Variants in CD86 observed in about 807,000 individuals in gnomAD.
CD86 encodes T-lymphocyte activation antigen CD86.
CD86 carries 11 observed loss-of-function variants against 32.1 expected under a neutral mutation model. That is an observed-to-expected ratio of 0.34 (90% confidence interval 0.22 to 0.57). CD86 has a LOEUF of 0.57. Among genes scored for constraint, CD86 ranks in the 20% least tolerant of loss-of-function variants. The pLI, the probability that CD86 is intolerant of heterozygous loss-of-function variation, is 0.86. For synonymous variants in CD86, 137 were observed against 135.3 expected (o/e 1.01, Z -0.09); for missense variants, 359 against 398.4 (o/e 0.90, Z 0.84).
intron 1 of CD86, among the ~76,000 whole-genome samples, chr3:122,080,461 T>C (rs2072617299): frequency 6.6e-6 from 1 of 152,184 alleles, no homozygotes; most frequent in Non-Finnish European, 1.5e-5. Context: ...ATGCTCCTTC[T>C]TCTAGGCCAG....
intron 5 of CD86, among the ~76,000 whole-genome samples, chr3:122,117,820 G>A (rs1252506610): frequency 2.0e-5 from 3 of 152,182 alleles, no homozygotes; most frequent in Admixed American, 6.5e-5. Flanking sequence ...TCTATTTCCA[G>A]TGTTAGAATT....
At chr3:122,092,210 T>C (rs2072835698) in intron 2 of CD86, 1 of 152,478 alleles carries the variant, frequency 6.6e-6, no homozygotes, top group Admixed American at 6.5e-5. Flanking sequence ...CAGCTAATTG[T>C]GTCAGCTGAT....
chr3:122,107,071 C>T (rs2073104222), intron 4 of CD86, among the ~76,000 whole-genome samples: 1 of 152,038 alleles, frequency 6.6e-6, no homozygotes, highest in South Asian at 2.1e-4. Context: ...AAATTTTATT[C>T]CATGGAAATA....
At chr3:122,093,027 G>C (rs1473774590) in intron 2 of CD86, among the ~76,000 whole-genome samples, 1 of 152,150 alleles carries the variant, frequency 6.6e-6, no homozygotes, top group African/African-American at 2.4e-5. Flanking sequence ...CAACCCCCAG[G>C]GCCCATGACC....
chr3:122,112,806 A>G (rs1419702773), intron 5 of CD86, among the ~76,000 whole-genome samples: 2 of 152,224 alleles, frequency 1.3e-5, no homozygotes. Context: ...GTATTCAACT[A>G]TAAGTACCTT....
intron 1 of CD86, among the ~76,000 whole-genome samples, chr3:122,087,431 G>A (rs2072741788): frequency 1.3e-5 from 2 of 152,032 alleles, no homozygotes; most frequent in Admixed American, 1.3e-4. Flanking sequence ...TGAGGGAGTG[G>A]GGACATTTCT....
At chr3:122,081,272 T>C (rs1488842954) in intron 1 of CD86, among the ~76,000 whole-genome samples, 1 of 152,194 alleles carries the variant, frequency 6.6e-6, no homozygotes, top group Non-Finnish European at 1.5e-5. Flanking sequence ...TCCATTTCCA[T>C]GTGTCCTTAA....
intron 4 of CD86, among the ~76,000 whole-genome samples, chr3:122,107,862 A>G (rs377727909): frequency 2.6e-3 from 389 of 152,318 alleles, no homozygotes; most frequent in Non-Finnish European, 3.3e-3. Context: ...ACTTCTTCCT[A>G]TTCAGACACT....
At chr3:122,103,342 G>A (rs531865092) in intron 2 of CD86, among the ~76,000 whole-genome samples, 170 bp from the exon 3 acceptor site, 1 of 152,250 alleles carries the variant, frequency 6.6e-6, no homozygotes, top group South Asian at 2.1e-4. Flanking sequence ...CAAGGACAAA[G>A]GTCCTAATCT....
intron 2 of CD86, among the ~76,000 whole-genome samples, chr3:122,099,882 G>A (rs1246827063): frequency 1.3e-5 from 2 of 152,142 alleles, no homozygotes; most frequent in African/African-American, 4.8e-5. Context: ...AAGAGTTCTT[G>A]TGGAAAACAC....
chr3:122,061,152 A>C (rs1007987534), intron 1 of CD86, among the ~76,000 whole-genome samples: 1 of 152,224 alleles, frequency 6.6e-6, no homozygotes, highest in African/African-American at 2.4e-5. Context: ...TAGTCAATAC[A>C]CGCCAGAAAA....
At chr3:122,083,550 G>A (rs920899236) in intron 1 of CD86, among the ~76,000 whole-genome samples, 3 of 152,164 alleles carry the variant, frequency 2.0e-5, no homozygotes, top group Non-Finnish European at 4.4e-5. Context: ...TCCAAACTTA[G>A]CAGCTTAGAA....
At chr3:122,073,230 G>A (rs2072514077) in intron 1 of CD86, among the ~76,000 whole-genome samples, 1 of 150,662 alleles carries the variant, frequency 6.6e-6, no homozygotes, top group African/African-American at 2.4e-5. Flanking sequence ...ATGTGTAGTG[G>A]TATCTTACTG....
intron 5 of CD86, among the ~76,000 whole-genome samples, chr3:122,113,344 T>A (rs1291020340): frequency 6.6e-6 from 1 of 152,220 alleles, no homozygotes; most frequent in Non-Finnish European, 1.5e-5. Context: ...ATATAATGAA[T>A]TATTTTCCTT....
intron 2 of CD86, among the ~76,000 whole-genome samples, chr3:122,097,134 G>T (rs969579405): frequency 6.6e-6 from 1 of 151,996 alleles, no homozygotes; most frequent in African/African-American, 2.4e-5. Flanking sequence ...TTTTTAATAC[G>T]TGCCAATCAA....
intron 1 of CD86, chr3:122,077,849 C>A: frequency 1.0e-6 from 1 of 985,426 alleles, no homozygotes. Flanking sequence ...TAGTCAGTTC[C>A]CCTTTCTGTA....
rs1416286723 is a variant in CD86 at position 122,120,377 on chromosome 3, A to G, written c.*843A>G. ...CTGGGGAAGCTGTGAAAGAACCAAA[A>G]GAGATCACAATACTCAAAAGAGAGA... On this transcript the variant is annotated 3_prime_UTR_variant, in exon 7 of 7. Coordinates refer to ENST00000330540, the MANE Select transcript of CD86 (RefSeq NM_175862.5). 6.6e-6 allele frequency: 1 copy of G among 152,330 alleles called. No homozygotes were observed. The highest frequency in any genetic ancestry group is 1.5e-5 in the Non-Finnish European group (1 of 68,122). The allele number at this position is 152,330 out of a possible 1,614,324, so 9.4% of individuals were successfully genotyped here. A position where few individuals can be genotyped will look rare whatever the true frequency, so the allele number is the denominator to read the frequency against.
At chr3:122,077,574 G>C (rs1161451184) in intron 1 of CD86, among the ~76,000 whole-genome samples, 1 of 152,228 alleles carries the variant, frequency 6.6e-6, no homozygotes, top group Non-Finnish European at 1.5e-5. Context: ...CCTGTCACAT[G>C]GTTGCCCACA....
chr3:122,095,871 T>C (rs899854146), intron 2 of CD86, among the ~76,000 whole-genome samples: 14 of 152,292 alleles, frequency 9.2e-5, no homozygotes, highest in African/African-American at 3.4e-4. Flanking sequence ...TGGAAGACAG[T>C]CACTGAATAG....
Sources: allele counts gnomAD v4.1 joint callset (sites outside exome capture counted in the v4.1 genomes callset), GRCh38; gene constraint gnomAD v4.1.1; transcripts MANE v1.5; gene names NCBI Gene and HGNC (gene_info 2026-07-23, HGNC 2026-07-21).